AGTPBP1: variants seen among roughly 807,000 people sequenced by gnomAD.
AGTPBP1 encodes the protein ATP/GTP binding carboxypeptidase 1, also known as cytosolic carboxypeptidase 1.
AGTPBP1 carries 70 observed loss-of-function variants against 143.9 expected under a neutral mutation model. The ratio of observed to expected loss-of-function variants is 0.49; its 90% CI spans 0.40 to 0.59. The LOEUF (loss-of-function observed/expected upper bound fraction) is 0.59, where lower values mean the gene tolerates loss of function less well. Among genes scored for constraint, AGTPBP1 ranks in the 20% least tolerant of loss-of-function variants. The pLI is 0.00. For synonymous variants in AGTPBP1, 463 were observed against 500.2 expected, an observed-to-expected ratio of 0.93 and a Z score of 0.99; for missense variants, 1,229 against 1,464.5, an observed-to-expected ratio of 0.84 and a Z score of 2.62.
intron 14 of AGTPBP1, among the ~76,000 whole-genome samples, chr9:85,628,903 G>A (rs1369849298): frequency 6.6e-6 from 1 of 152,000 alleles, no homozygotes; most frequent in Non-Finnish European, 1.5e-5. Flanking sequence ...TTTTAGTAGA[G>A]ACAGGGTTTT....
intron 17 of AGTPBP1, among the ~76,000 whole-genome samples, chr9:85,603,234 G>A (rs117012984): frequency 0.016 from 2,473 of 152,308 alleles, 30 homozygotes; most frequent in Middle Eastern, 0.054. Context: ...AGCACAGCTT[G>A]TAGGTCCAGG....
rs1450788033 is a variant in AGTPBP1, at chr9:85,631,512, C to T, written c.2015+1150G>A. Among the ~76,000 whole-genome samples, 6 of 152,334 alleles carry T rather than the reference C, an allele frequency of 3.9e-5. No homozygotes were observed. In the East Asian group the frequency reaches 7.7e-4, roughly 20 times the overall value. On this transcript the variant is annotated intron_variant, in intron 14 of 25. Transcript: ENST00000357081. ...ATGCCCTGGCACAGACCCACTCCCA[C>T]ACATCTTTCCCAGGGAGGTAAGTCC... is the stretch of plus-strand genomic sequence containing the variant.
At chr9:85,706,892 T>C (rs777529943) in intron 2 of AGTPBP1, among the ~76,000 whole-genome samples, 2 of 150,842 alleles carry the variant, frequency 1.3e-5, no homozygotes, top group Non-Finnish European at 3.0e-5. Context: ...AATAAATAAA[T>C]AGGATCTAAA....
chr9:85,632,343 G>A (rs1191862781), intron 14 of AGTPBP1, among the ~76,000 whole-genome samples: 1 of 151,994 alleles, frequency 6.6e-6, no homozygotes, highest in East Asian at 1.9e-4. Context: ...AACAAATATT[G>A]CTAAGAATAT....
chr9:85,639,363 ACGCG>A (rs71505760), intron 13 of AGTPBP1, among the ~76,000 whole-genome samples: 169 of 133,334 alleles, frequency 1.3e-3, no homozygotes, highest in Middle Eastern at 7.8e-3. Flanking sequence ...ATGCGCGCGC[ACGCG>A]CACACACACA....
intron 1 of AGTPBP1, among the ~76,000 whole-genome samples, chr9:85,719,922 G>A (rs886094194): frequency 6.6e-6 from 1 of 152,218 alleles, no homozygotes; most frequent in African/African-American, 2.4e-5. Context: ...AGATAATCAT[G>A]TGGTTTTTGT....
intron 23 of AGTPBP1, among the ~76,000 whole-genome samples, chr9:85,583,336 A>ACACATGCACACACACC (rs1279773201): frequency 6.6e-6 from 1 of 152,162 alleles, no homozygotes; most frequent in Non-Finnish European, 1.5e-5. Context: ...CCACTTTGAC[A>ACACATGCACACACACC]CACATGCACA....
At chr9:85,770,372 A>G in the AGTPBP1 span, 2 of 1,606,144 alleles carry the variant, frequency 1.2e-6, no homozygotes, top group Non-Finnish European at 1.7e-6. Flanking sequence ...CAGAATTGCC[A>G]GAAGTCACTT....
the AGTPBP1 span, among the ~76,000 whole-genome samples, chr9:85,782,532 G>A: frequency 3.3e-5 from 5 of 149,990 alleles, no homozygotes; most frequent in Non-Finnish European, 5.9e-5. Flanking sequence ...AAAATGCTAA[G>A]TTATATTTGT....
chr9:85,671,397 T>C (rs1465115986), intron 7 of AGTPBP1, among the ~76,000 whole-genome samples: 1 of 152,218 alleles, frequency 6.6e-6, no homozygotes, highest in African/African-American at 2.4e-5. Flanking sequence ...AGATATCTAA[T>C]TCATTTGTTT....
chr9:85,625,457 T>G (rs1831210458), intron 14 of AGTPBP1, among the ~76,000 whole-genome samples: 1 of 152,276 alleles, frequency 6.6e-6, no homozygotes. Flanking sequence ...CTTTTGTGGT[T>G]GTCACCGTTT....
At chr9:85,754,678 C>T in the AGTPBP1 span, among the ~76,000 whole-genome samples, 1 of 151,878 alleles carries the variant, frequency 6.6e-6, no homozygotes, top group African/African-American at 2.4e-5. Context: ...ATTTAAAATA[C>T]CTAGAATGCA....
intron 4 of AGTPBP1, among the ~76,000 whole-genome samples, chr9:85,679,322 T>C (rs1307786977): frequency 1.3e-5 from 2 of 152,236 alleles, no homozygotes; most frequent in African/African-American, 2.4e-5. Context: ...ACATTTGTGT[T>C]TCTTTTCCTG....
At position 85,632,855 on chromosome 9, in the gene AGTPBP1, T is replaced by A. The variant is rs1407792927; in HGVS notation, c.1822A>T (p.Asn608Tyr). 1 of 1,614,054 alleles carries A rather than the reference T, an allele frequency of 6.2e-7. No homozygotes were observed. The highest frequency in any genetic ancestry group is 1.3e-5 in the African/African-American group (1 of 74,920). ...ETEDDEDTES[N>Y]SSVEQASVEV... is the part of the protein sequence containing the mutation. ...ACCGATGCTTGTTCTACCGATGAAT[T>A]TGACTCAGTATCTTCATCATCTTCA... The change falls in exon 14 of 26, where the codon AAT (asparagine) becomes TAT (tyrosine). Residue 608 changes from asparagine to tyrosine, a missense_variant. By Grantham distance (143) the Asn-to-Tyr change is moderately radical. Coordinates refer to ENST00000357081, the MANE Select transcript of AGTPBP1 (RefSeq NM_001330701.2).
intron 1 of AGTPBP1, among the ~76,000 whole-genome samples, chr9:85,720,079 A>AT (rs1837999995): frequency 6.6e-6 from 1 of 152,054 alleles, no homozygotes; most frequent in South Asian, 2.1e-4. Flanking sequence ...TTTATTGAGG[A>AT]TTTTTGCATC....
At chr9:85,752,647 C>T in the AGTPBP1 span, among the ~76,000 whole-genome samples, 2 of 152,200 alleles carry the variant, frequency 1.3e-5, no homozygotes, top group Non-Finnish European at 2.9e-5. Context: ...GGTCTGATCA[C>T]TATACATTAT....
chr9:85,722,076 G>A (rs1434830856), intron 1 of AGTPBP1, among the ~76,000 whole-genome samples: 1 of 152,150 alleles, frequency 6.6e-6, no homozygotes, highest in Non-Finnish European at 1.5e-5. Context: ...AGGGTAACCC[G>A]ACCTTTCTCT....
rs753797193 is a variant in AGTPBP1 at position 85,741,918 on chromosome 9, G to GGCAGCT, written c.-183_-178dup. The GGCAGCT allele has an allele frequency of 1.5e-6, 2 of 1,311,798 alleles. No individual in the cohort carries two copies. Among genetic ancestry groups the GGCAGCT allele is most frequent in the Non-Finnish European group, 1.9e-6 (2 of 1,032,344 alleles). The allele number at this position is 1,311,798 out of a possible 1,614,324, so 81.3% of individuals were successfully genotyped here. ...CAGGCGAGGCGGAGGCGGCGGCGGC[G>GGCAGCT]GCAGCTGCGGCGGCGGCGCTGGAGG... On this transcript the variant is annotated 5_prime_UTR_variant, in exon 1 of 26. Transcript: ENST00000357081.
At position 85,573,015 on chromosome 9, in the gene AGTPBP1, C is replaced by T. The variant is rs536001070; in HGVS notation, c.3503+2300G>A. ...ATGAGACTATTGTTACCCATATACACAAAACCATAAAATGCTAATCTCTGG... is the reference window on the plus strand; with the variant it reads ...ATGAGACTATTGTTACCCATATACATAAAACCATAAAATGCTAATCTCTGG... On this transcript the variant is annotated intron_variant, in intron 25 of 25. Transcript: ENST00000357081. Among the ~76,000 whole-genome samples the T allele has an allele frequency of 1.7e-3, 260 of 152,264 alleles. 5 individuals are homozygous for T. Among genetic ancestry groups the T allele is most frequent in the Non-Finnish European group, 1.8e-4 (12 of 68,028 alleles).
Sources: allele counts gnomAD v4.1 joint callset (sites outside exome capture counted in the v4.1 genomes callset), GRCh38; gene constraint gnomAD v4.1.1; transcripts MANE v1.5; gene names NCBI Gene and HGNC (gene_info 2026-07-23, HGNC 2026-07-21).